ANO10: variants seen among roughly 807,000 people sequenced by gnomAD.
ANO10 encodes anoctamin-10.
Under a neutral mutation model 74.7 loss-of-function variants are expected in ANO10, and 77 were observed. That is an observed-to-expected ratio of 1.03 (90% confidence interval 0.86 to 1.25). The LOEUF (loss-of-function observed/expected upper bound fraction) is 1.25. ANO10 is among the 50% of genes most tolerant of loss of function. The pLI is 0.00. For synonymous variants in ANO10, 279 were observed against 284.9 expected (o/e 0.98, Z 0.21); for missense variants, 721 against 778.1 (o/e 0.93, Z 0.87).
In ANO10 at chr3:43,456,029, C is replaced by T. The variant is rs142071195; in HGVS notation, c.1798-23302G>A. Among the ~76,000 whole-genome samples, 604 of 152,234 alleles carry T rather than the reference C, an allele frequency of 4.0e-3. 5 individuals carry two copies. The highest frequency in any genetic ancestry group is 0.014 in the African/African-American group (578 of 41,526). On this transcript the variant is annotated intron_variant, in intron 11 of 12. Transcript: ENST00000292246. ...ACATTAAAAAACATTTAAGCACCTA[C>T]TAGGTGATGAAATAATTTCTTTAAA...
intron 11 of ANO10, among the ~76,000 whole-genome samples, chr3:43,509,185 A>G (rs971094990): frequency 2.0e-5 from 3 of 151,714 alleles, no homozygotes; most frequent in South Asian, 2.1e-4. Flanking sequence ...ACTTGGACAC[A>G]GGGTGGGGAA....
chr3:43,592,595 T>C (rs1450053462), intron 4 of ANO10, among the ~76,000 whole-genome samples: 1 of 152,186 alleles, frequency 6.6e-6, no homozygotes, highest in Admixed American at 6.5e-5. Context: ...ACCCCATCTG[T>C]ACATCACCAT....
At chr3:43,506,554 G>T (rs561194875) in intron 11 of ANO10, among the ~76,000 whole-genome samples, 1 of 152,128 alleles carries the variant, frequency 6.6e-6, no homozygotes, top group Non-Finnish European at 1.5e-5. Context: ...TAAGCCAAAT[G>T]ACCTAAAAAT....
intron 12 of ANO10, among the ~76,000 whole-genome samples, chr3:43,398,825 T>C (rs191542423): frequency 1.3e-5 from 2 of 152,184 alleles, no homozygotes; most frequent in South Asian, 4.1e-4. Flanking sequence ...GGGATAATAG[T>C]ATCTATCTCA....
intron 10 of ANO10, among the ~76,000 whole-genome samples, chr3:43,554,493 T>C (rs1162376937): frequency 6.6e-6 from 1 of 152,154 alleles, no homozygotes; most frequent in African/African-American, 2.4e-5. Flanking sequence ...ATACCTGGTC[T>C]GATCAGTGAT....
intron 11 of ANO10, among the ~76,000 whole-genome samples, chr3:43,548,219 G>C (rs896162193): frequency 6.6e-6 from 1 of 152,132 alleles, no homozygotes; most frequent in African/African-American, 2.4e-5. Flanking sequence ...TTAACTCTGA[G>C]TATACTGGCA....
At chr3:43,387,153 C>T (rs1210892543) in intron 12 of ANO10, among the ~76,000 whole-genome samples, 1 of 152,216 alleles carries the variant, frequency 6.6e-6, no homozygotes, top group Non-Finnish European at 1.5e-5. Context: ...CCCACTGCTG[C>T]TAGGCTGCGA....
intron 11 of ANO10, among the ~76,000 whole-genome samples, chr3:43,505,644 T>G (rs2149163936): frequency 6.6e-6 from 1 of 152,326 alleles, no homozygotes; most frequent in African/African-American, 2.4e-5. Context: ...CAAAACACTG[T>G]CATTTTGTGA....
At chr3:43,650,258 C>G (rs1236165659) in intron 1 of ANO10, among the ~76,000 whole-genome samples, 25 of 152,122 alleles carry the variant, frequency 1.6e-4, no homozygotes, top group Non-Finnish European at 2.9e-5. Flanking sequence ...TTTGGCCATC[C>G]AGCGGCCAAT....
At chr3:43,439,477 C>G in intron 11 of ANO10, among the ~76,000 whole-genome samples, 1 of 151,146 alleles carries the variant, frequency 6.6e-6, no homozygotes, top group East Asian at 1.9e-4. Context: ...AATATATAGA[C>G]AAATAAAAAA....
rs2092205818 is a variant in ANO10 at position 43,389,025 on chromosome 3, G to A, written c.1915-22051C>T. On this transcript the variant is annotated intron_variant, in intron 12 of 12. Coordinates refer to ENST00000292246, the MANE Select transcript of ANO10 (RefSeq NM_018075.5). ...AAGATGGCATCTAGCCCATGTTACT[G>A]GTACTCTTTGGAAGGGAGATCACAG... 2.0e-5 allele frequency among the ~76,000 whole-genome samples: 3 copies of A among 152,170 alleles called. No homozygotes were observed. In the South Asian group the frequency reaches 6.2e-4, roughly 31 times the overall value.
chr3:43,566,633 T>C (rs1319624535), intron 7 of ANO10, among the ~76,000 whole-genome samples: 2 of 152,034 alleles, frequency 1.3e-5, no homozygotes, highest in African/African-American at 2.4e-5. Context: ...GTCCTGTCTG[T>C]TAGAAGGAAA....
intron 11 of ANO10, among the ~76,000 whole-genome samples, chr3:43,511,643 T>C (rs2077512363): frequency 6.6e-6 from 1 of 152,178 alleles, no homozygotes; most frequent in African/African-American, 2.4e-5. Flanking sequence ...CACTTTTAGT[T>C]TTAGGATATA....
upstream of ANO10, among the ~76,000 whole-genome samples, chr3:43,625,255 G>T (rs972978640): frequency 2.6e-5 from 4 of 152,192 alleles, no homozygotes; most frequent in Non-Finnish European, 5.9e-5. Context: ...TGGCTACATG[G>T]TCCGGCTTCT....
intron 11 of ANO10, among the ~76,000 whole-genome samples, chr3:43,461,130 A>G (rs911717904): frequency 2.0e-5 from 3 of 152,304 alleles, no homozygotes; most frequent in Admixed American, 2.0e-4. Flanking sequence ...TAGCTAAACT[A>G]ATTAAGAATA....
In ANO10 at chr3:43,631,266, C is replaced by T. The variant is rs573899565; in HGVS notation, c.-11-25403G>A. Among the ~76,000 whole-genome samples, 14 of 152,330 alleles carry T rather than the reference C, an allele frequency of 9.2e-5. No individual in the cohort carries two copies. The South Asian group carries it at 2.9e-3, about 32-fold the overall frequency. The stretch of plus-strand genomic sequence containing the variant: ...TTTAATTTGTAGTGTGCACCAGCCT[C>T]ATTTGAGATCTGCAACCCCTTCTCC... On this transcript the variant is annotated intron_variant, in intron 1 of 3. Transcript: ENST00000413397.
At chr3:43,367,149 T>C (rs1460758342) in intron 12 of ANO10, among the ~76,000 whole-genome samples, 175 bp from the exon 13 acceptor site, 1 of 152,090 alleles carries the variant, frequency 6.6e-6, no homozygotes, top group Admixed American at 6.5e-5. Context: ...TGGGAGACAG[T>C]TGGTGTGGTG....
At chr3:43,439,598 A>G (rs180996569) in intron 11 of ANO10, among the ~76,000 whole-genome samples, 12 of 152,250 alleles carry the variant, frequency 7.9e-5, no homozygotes, top group African/African-American at 2.9e-4. Flanking sequence ...CAAAAAATGT[A>G]ATTTGTGGCT....
intron 11 of ANO10, among the ~76,000 whole-genome samples, chr3:43,484,238 T>TA (rs1575224359): frequency 6.6e-6 from 1 of 152,110 alleles, no homozygotes; most frequent in East Asian, 1.9e-4. Context: ...CTCAGCCTCC[T>TA]AAAGTGCTGG....
Sources: gnomAD v4.1 joint callset for allele counts (sites outside exome capture counted in the v4.1 genomes callset) on GRCh38, gnomAD v4.1.1 for gene constraint, MANE v1.5 for transcripts, NCBI Gene and HGNC (gene_info 2026-07-23, HGNC 2026-07-21) for gene names.